The following MFHAS1 variants were observed in gnomAD, a reference collection of about 807,000 sequenced individuals.
The protein encoded by MFHAS1 is malignant fibrous histiocytoma-amplified sequence 1.
A neutral mutation model predicts 70.4 loss-of-function variants in MFHAS1; 50 were observed. The ratio of observed to expected loss-of-function variants is 0.71; its 90% CI spans 0.57 to 0.90. MFHAS1 has a LOEUF of 0.90. Among genes scored for constraint, MFHAS1 ranks in the 40% least tolerant of loss-of-function variants. The pLI is 0.00. For missense variants in MFHAS1, 1,795 were observed against 1,347.6 expected (o/e 1.33, Z -5.20); for synonymous variants, 952 against 620.0 (o/e 1.54, Z -7.96).
intron 1 of MFHAS1, among the ~76,000 whole-genome samples, chr8:8,824,886 G>T (rs1807099255): frequency 6.6e-6 from 1 of 152,228 alleles, no homozygotes; most frequent in African/African-American, 2.4e-5. Context: ...GAGGAAGGCT[G>T]CGCTGGCCTC....
At chr8:8,813,131 C>G (rs1806613330) in intron 1 of MFHAS1, among the ~76,000 whole-genome samples, 1 of 152,176 alleles carries the variant, frequency 6.6e-6, no homozygotes. Context: ...CATAAGATTA[C>G]AAAAGAGCTG....
At chr8:8,880,734 G>C (rs980874563) in intron 1 of MFHAS1, among the ~76,000 whole-genome samples, 12 of 151,222 alleles carry the variant, frequency 7.9e-5, no homozygotes, top group African/African-American at 2.9e-4. Context: ...GCCCAGGTTG[G>C]AGTATAGCGG....
At chr8:8,853,997 C>T (rs1032047117) in intron 1 of MFHAS1, among the ~76,000 whole-genome samples, 1 of 152,232 alleles carries the variant, frequency 6.6e-6, no homozygotes, top group African/African-American at 2.4e-5. Flanking sequence ...ACTCCATGAA[C>T]ACCTTGATTT....
intron 2 of MFHAS1, among the ~76,000 whole-genome samples, chr8:8,793,446 A>G (rs1283603357): frequency 1.3e-5 from 2 of 152,228 alleles, no homozygotes; most frequent in Admixed American, 6.5e-5. Flanking sequence ...ATGTCTTTTT[A>G]AAAACCATCA....
intron 1 of MFHAS1, among the ~76,000 whole-genome samples, chr8:8,843,130 G>A (rs1028152694): frequency 2.0e-5 from 3 of 151,902 alleles, no homozygotes; most frequent in Non-Finnish European, 4.4e-5. Flanking sequence ...TTAGCCGGGC[G>A]CGGTGGCGGG....
intron 2 of MFHAS1, among the ~76,000 whole-genome samples, chr8:8,788,148 A>G (rs914784514): frequency 3.9e-5 from 6 of 152,182 alleles, no homozygotes; most frequent in East Asian, 1.9e-4. Context: ...TTAGACTCTG[A>G]TAAGTTTGCC....
At position 8,892,847 on chromosome 8, in the gene MFHAS1, C is replaced by G; in HGVS notation, c.212G>C (p.Gly71Ala). Residue 71 changes from glycine (G) to alanine (A), a missense_variant, in exon 1 of 3, where the codon GGG (glycine) becomes GCG (alanine). Coordinates refer to ENST00000276282, the MANE Select transcript of MFHAS1 (RefSeq NM_004225.3). This position sits in a 1 kb window ranked among gnomAD's most constrained non-coding sequence, Gnocchi z 4.7. ...GGGTACCTCCTCCAGGCCGTTGTTC[C>G]CCAGGTTCAGTGCCTCAATGTCCCC... ...NLGDIEALNL[G>A]NNGLEEVPEG... 1 of 1,597,646 alleles carries G rather than the reference C, an allele frequency of 6.3e-7. No individual in the cohort carries two copies. Among genetic ancestry groups the G allele is most frequent in the East Asian group, 2.3e-5 (1 of 44,066 alleles).
At position 8,840,227 on chromosome 8, in the gene MFHAS1, C is replaced by A. The variant is rs541957449; in HGVS notation, c.2999-42736G>T. On this transcript the variant is annotated intron_variant, in intron 1 of 2. Transcript: ENST00000276282. ...ATCTCAGCACTTTGGGAGGCCGAAG[C>A]GGGCAGATCACTTGAGGTCAGGAGT... 6.6e-5 allele frequency among the ~76,000 whole-genome samples: 10 copies of A among 152,236 alleles called. No individual in the cohort carries two copies. In the East Asian group the frequency reaches 1.9e-3, roughly 29 times the overall value.
At chr8:8,814,604 C>G (rs1230352052) in intron 1 of MFHAS1, among the ~76,000 whole-genome samples, 1 of 152,132 alleles carries the variant, frequency 6.6e-6, no homozygotes, top group Non-Finnish European at 1.5e-5. Context: ...AGACAAGTCA[C>G]AGACTGGGAG....
chr8:8,791,942 C>G (rs1805732304), intron 2 of MFHAS1, among the ~76,000 whole-genome samples: 4 of 152,164 alleles, frequency 2.6e-5, no homozygotes, highest in Admixed American at 1.3e-4. Flanking sequence ...ATGAGAACCT[C>G]TTTAAAACTC....
At chr8:8,836,553 T>C (rs1207198555) in intron 1 of MFHAS1, among the ~76,000 whole-genome samples, 1 of 152,040 alleles carries the variant, frequency 6.6e-6, no homozygotes, top group Non-Finnish European at 1.5e-5. Context: ...CAATTTTGTT[T>C]TTTCTGTGGA....
intron 1 of MFHAS1, among the ~76,000 whole-genome samples, chr8:8,872,761 A>C (rs1809125975): frequency 1.3e-5 from 2 of 150,938 alleles, no homozygotes; most frequent in Admixed American, 1.3e-4. Flanking sequence ...GATATTCCCT[A>C]TTCCAAGGGA....
At chr8:8,786,553 G>C (rs1025957983) in intron 2 of MFHAS1, among the ~76,000 whole-genome samples, 46 of 152,170 alleles carry the variant, frequency 3.0e-4, no homozygotes, top group African/African-American at 1.1e-3. Flanking sequence ...CAAATCTGGA[G>C]TCTGATCAAT....
chr8:8,855,344 C>T (rs1808397972), intron 1 of MFHAS1, among the ~76,000 whole-genome samples: 1 of 152,326 alleles, frequency 6.6e-6, no homozygotes, highest in Middle Eastern at 3.4e-3. Flanking sequence ...CACAGGAGCT[C>T]ATTGTCTGGT....
intron 2 of MFHAS1, among the ~76,000 whole-genome samples, chr8:8,789,663 C>G (rs1805662839): frequency 6.6e-6 from 1 of 152,156 alleles, no homozygotes; most frequent in African/African-American, 2.4e-5. Context: ...ACCTTGCAAA[C>G]TCTGGAGGGA....
intron 2 of MFHAS1, among the ~76,000 whole-genome samples, chr8:8,797,062 G>T (rs1242777249): frequency 1.3e-5 from 2 of 150,376 alleles, no homozygotes; most frequent in Non-Finnish European, 2.9e-5. Context: ...GAAAACCAAT[G>T]AACTGTACAC....
rs1810152051 is a variant in MFHAS1 at position 8,893,002 on chromosome 8, G to A, written c.57C>T (p.Ala19=). Residue 19 remains alanine, a synonymous_variant, in exon 1 of 3, where the codon GCC becomes GCT. Transcript: ENST00000276282. ...LKTARLWRDA[A]LRARKLRSNL... The stretch of plus-strand genomic sequence containing the variant: ...TGCTCCGCAGCTTCCTGGCACGCAG[G>A]GCGGCGTCCCGCCACAGCCTCGCGG... 1.3e-6 allele frequency: 2 copies of A among 1,536,546 alleles called. No individual in the cohort carries two copies. The highest frequency in any genetic ancestry group is 1.7e-6 in the Non-Finnish European group (2 of 1,144,472).
At chr8:8,810,013 C>T (rs1183136218) in intron 1 of MFHAS1, among the ~76,000 whole-genome samples, 11 of 152,158 alleles carry the variant, frequency 7.2e-5, no homozygotes, top group Admixed American at 5.9e-4. Flanking sequence ...GCCCAAGGAC[C>T]TTATCAAAAT....
At chr8:8,877,294 C>A (rs1214629745) in intron 1 of MFHAS1, among the ~76,000 whole-genome samples, 5 of 24,558 alleles carry the variant, frequency 2.0e-4, no homozygotes, top group Non-Finnish European at 3.6e-4. Flanking sequence ...AGAGTGAGAC[C>A]CTGCCTCAAA....
Sources: gnomAD v4.1 joint callset for allele counts (sites outside exome capture counted in the v4.1 genomes callset) on GRCh38, gnomAD v4.1.1 for gene constraint, Gnocchi (gnomAD v3.1) non-coding constraint, MANE v1.5 for transcripts, NCBI Gene and HGNC (gene_info 2026-07-23, HGNC 2026-07-21) for gene names.